Variants in DCLK2 observed in about 807,000 individuals in gnomAD.
DCLK2 encodes the protein serine/threonine-protein kinase DCLK2.
DCLK2 carries 31 observed loss-of-function variants against 78.4 expected under a neutral mutation model. That is an observed-to-expected ratio of 0.40 (90% CI 0.30 to 0.53). The LOEUF (loss-of-function observed/expected upper bound fraction) is 0.53, where lower values mean the gene tolerates loss of function less well. Among genes scored for constraint, DCLK2 ranks in the 20% least tolerant of loss-of-function variants. The pLI, the probability that DCLK2 is intolerant of heterozygous loss-of-function variation, is 0.61. For missense variants in DCLK2, 872 were observed against 973.7 expected, an observed-to-expected ratio of 0.90 and a Z score of 1.39; for synonymous variants, 407 against 374.9, an observed-to-expected ratio of 1.09 and a Z score of -0.99.
chr4:150,239,707 A>G (rs570079613), intron 10 of DCLK2, 35 bp from the exon 11 acceptor site: 5 of 1,607,842 alleles, frequency 3.1e-6, no homozygotes, highest in Middle Eastern at 1.7e-4. Context: ...TGAGGAAAAA[A>G]AAATCTTCTG....
At chr4:150,095,812 G>A (rs1303648455) in intron 1 of DCLK2, among the ~76,000 whole-genome samples, 3 of 152,158 alleles carry the variant, frequency 2.0e-5, no homozygotes, top group Non-Finnish European at 4.4e-5. Flanking sequence ...AATCTTGAAG[G>A]GTCAGTGGAA....
chr4:150,148,443 G>A (rs1734636690), intron 2 of DCLK2, among the ~76,000 whole-genome samples: 1 of 151,744 alleles, frequency 6.6e-6, no homozygotes, highest in Non-Finnish European at 1.5e-5. Context: ...CTGTAGTAGA[G>A]TGGCTGTTAA....
At chr4:150,219,865 A>G (rs2126524773) in intron 5 of DCLK2, among the ~76,000 whole-genome samples, 1 of 152,336 alleles carries the variant, frequency 6.6e-6, no homozygotes, top group South Asian at 2.1e-4. Flanking sequence ...AGGGGGACAG[A>G]TCATGGCCCG....
At chr4:150,181,941 A>T (rs1343615227) in intron 2 of DCLK2, among the ~76,000 whole-genome samples, 1 of 152,058 alleles carries the variant, frequency 6.6e-6, no homozygotes, top group South Asian at 2.1e-4. Context: ...CTGCTTACTG[A>T]CCTGTGAATT....
rs544301356 is a variant in DCLK2 at position 150,239,631 on chromosome 4, T to C, written c.1567-111T>C. 3.7e-6 allele frequency: 5 copies of C among 1,369,102 alleles called. No homozygotes were observed. In the South Asian group the frequency reaches 4.2e-5, roughly 11 times the overall value. The allele number at this position is 1,369,102 out of a possible 1,614,324, so 84.8% of individuals were successfully genotyped here. A position where few individuals can be genotyped will look rare whatever the true frequency, so the allele number is the denominator to read the frequency against. On this transcript the variant is annotated intron_variant, in intron 10 of 15. Coordinates refer to ENST00000296550, the MANE Select transcript of DCLK2 (RefSeq NM_001040260.4). ...AAAAAAATCACAAGGAGAGATTTCATTCGAGTTTAATAGTAAATGTATTTG... is the reference window on the plus strand; with the variant it reads ...AAAAAAATCACAAGGAGAGATTTCACTCGAGTTTAATAGTAAATGTATTTG...
intron 1 of DCLK2, among the ~76,000 whole-genome samples, chr4:150,081,310 G>GTA (rs1471536268): frequency 1.3e-5 from 2 of 152,200 alleles, no homozygotes; most frequent in African/African-American, 4.8e-5. Context: ...GGAGTACTTA[G>GTA]TATAGATTGC....
chr4:150,104,417 A>AAAAAAAAAAAAAAAAAAAAC (rs1731102261), intron 2 of DCLK2, among the ~76,000 whole-genome samples: 1 of 150,090 alleles, frequency 6.7e-6, no homozygotes, highest in Non-Finnish European at 1.5e-5. Flanking sequence ...AAAAAAAAAA[A>AAAAAAAAAAAAAAAAAAAAC]AAAAAATCGA....
chr4:150,196,712 A>C (rs549380780), intron 3 of DCLK2, among the ~76,000 whole-genome samples: 133 of 152,244 alleles, frequency 8.7e-4, no homozygotes, highest in Non-Finnish European at 1.6e-3. Context: ...CTAGTTAACA[A>C]ATGTCAAATG....
chr4:150,186,747 G>A (rs370116597), intron 2 of DCLK2, among the ~76,000 whole-genome samples: 20 of 152,172 alleles, frequency 1.3e-4, no homozygotes, highest in African/African-American at 4.3e-4. Context: ...GTAGTCCCAG[G>A]CTGGGCACAG....
At position 150,240,472 on chromosome 4, in the gene DCLK2, C is replaced by T. The variant is rs978601265; in HGVS notation, c.1774C>T (p.Arg592Ter). ...ACTTCTCTGTGGATTCCCACCATTCCGAAGGTAGGCGGCCTTTTGGGCGAC... is the reference window on the plus strand; with the variant it reads ...ACTTCTCTGTGGATTCCCACCATTCTGAAGGTAGGCGGCCTTTTGGGCGAC... ...YILLCGFPPFRSENNLQEDLF... is the reference protein window; with the variant it reads ...YILLCGFPPF Residue 592 changes from arginine to a stop codon, truncating the protein, a stop_gained, in exon 12 of 16, where the codon CGA (arginine) becomes TGA (stop). Transcript: ENST00000296550. LOFTEE classifies it high-confidence loss of function. 11 of 1,611,204 alleles carry T rather than the reference C, an allele frequency of 6.8e-6. No homozygotes were observed. The highest frequency in any genetic ancestry group is 3.3e-5 in the South Asian group (3 of 90,658).
intron 4 of DCLK2, among the ~76,000 whole-genome samples, chr4:150,203,553 T>C (rs1393513760): frequency 2.0e-5 from 3 of 151,992 alleles, no homozygotes; most frequent in African/African-American, 7.2e-5. Flanking sequence ...TATATTTGTT[T>C]ATATAGCTGT....
At chr4:150,159,721 G>A (rs1282916143) in intron 2 of DCLK2, among the ~76,000 whole-genome samples, 7 of 152,226 alleles carry the variant, frequency 4.6e-5, no homozygotes, top group Non-Finnish European at 7.3e-5. Context: ...GACAGTGAAA[G>A]TGATATGATC....
At chr4:150,104,775 TA>T (rs5862906) in intron 2 of DCLK2, among the ~76,000 whole-genome samples, 57,079 of 150,700 alleles carry the variant, frequency 0.38, 10,981 homozygotes, top group Non-Finnish European at 0.42. Context: ...AAAATTACAC[TA>T]AAAAAAAAAT....
intron 12 of DCLK2, among the ~76,000 whole-genome samples, chr4:150,243,556 A>G (rs1197809083): frequency 1.3e-5 from 2 of 152,240 alleles, no homozygotes; most frequent in Non-Finnish European, 2.9e-5. Flanking sequence ...ACATATTTCA[A>G]ATAGTCTCTT....
In DCLK2 at chr4:150,176,364, T is replaced by A. The variant is rs138548311; in HGVS notation, c.757-16774T>A. Among the ~76,000 whole-genome samples, 5 of 152,310 alleles carry A rather than the reference T, an allele frequency of 3.3e-5. No homozygotes were observed. The East Asian group carries it at 9.7e-4, about 29-fold the overall frequency. ...GTGTAAGAGCGAGAAAGATACGGTC[T>A]CCAGGTGCTGGGTGTCTTCCTAACT... is the stretch of plus-strand genomic sequence containing the variant. On this transcript the variant is annotated intron_variant, in intron 2 of 15. Transcript: ENST00000296550.
chr4:150,089,977 G>A (rs528569618), intron 1 of DCLK2, among the ~76,000 whole-genome samples: 2 of 152,320 alleles, frequency 1.3e-5, no homozygotes, highest in Non-Finnish European at 2.9e-5. Context: ...TACGTATGAA[G>A]TCCACTTCCC....
intron 15 of DCLK2, among the ~76,000 whole-genome samples, chr4:150,250,813 G>A (rs1560912066): frequency 6.7e-6 from 1 of 149,884 alleles, no homozygotes; most frequent in Non-Finnish European, 1.5e-5. Context: ...AAGACGCAGG[G>A]TCTAGATAGA....
chr4:150,090,806 A>G (rs1029587031), intron 1 of DCLK2, among the ~76,000 whole-genome samples: 2 of 152,126 alleles, frequency 1.3e-5, no homozygotes, highest in African/African-American at 2.4e-5. Context: ...ACTGGATGTG[A>G]CTTTAGGAGA....
chr4:150,168,999 A>G (rs1489990424), intron 2 of DCLK2, among the ~76,000 whole-genome samples: 7 of 152,014 alleles, frequency 4.6e-5, no homozygotes, highest in Non-Finnish European at 1.0e-4. Context: ...GTTCCTTAAT[A>G]CTACAAAGTT....
Sources: allele counts gnomAD v4.1 joint callset (sites outside exome capture counted in the v4.1 genomes callset), GRCh38; gene constraint gnomAD v4.1.1; transcripts MANE v1.5; gene names NCBI Gene and HGNC (gene_info 2026-07-23, HGNC 2026-07-21).